Variants in ATG16L2 observed in about 807,000 individuals in gnomAD.
ATG16L2 encodes autophagy related 16 like 2.
Under a neutral mutation model 84.7 loss-of-function variants are expected in ATG16L2, and 77 were observed. That is an observed-to-expected ratio of 0.91 (90% CI 0.76 to 1.10). The LOEUF (loss-of-function observed/expected upper bound fraction) is 1.10, where lower values mean the gene tolerates loss of function less well. ATG16L2 is among the 50% of genes least tolerant of loss of function. The probability of loss-of-function intolerance (pLI) is 0.00; values close to 1 mark genes in which losing one functional copy is unlikely to be tolerated. For missense variants in ATG16L2, 782 were observed against 817.6 expected (o/e 0.96, Z 0.53); for synonymous variants, 361 against 342.8 (o/e 1.05, Z -0.59).
In ATG16L2 at chr11:72,829,604, T is replaced by C; in HGVS notation, c.*214T>C. The C allele has an allele frequency of 2.2e-6, 3 of 1,354,680 alleles. No individual in the cohort carries two copies. Among genetic ancestry groups the C allele is most frequent in the Non-Finnish European group, 2.8e-6 (3 of 1,053,242 alleles). The allele number at this position is 1,354,680 out of a possible 1,614,324, so 83.9% of individuals were successfully genotyped here. A position where few individuals can be genotyped will look rare whatever the true frequency, so the allele number is the denominator to read the frequency against. On this transcript the variant is annotated 3_prime_UTR_variant, in exon 18 of 18. Coordinates refer to ENST00000321297, the MANE Select transcript of ATG16L2 (RefSeq NM_033388.2). ...ATTTTTATCTCTATCTCCTCACTTTTTCTCCCAAAGTAGAAAAAAATGATA... is the reference window on the plus strand; with the variant it reads ...ATTTTTATCTCTATCTCCTCACTTTCTCTCCCAAAGTAGAAAAAAATGATA...
At chr11:72,827,354 T>C in intron 14 of ATG16L2, 61 bp downstream of exon 14, 1 of 1,401,054 alleles carries the variant, frequency 7.1e-7, no homozygotes, top group Non-Finnish European at 1.0e-6. Context: ...CCCAAGTTCT[T>C]GTTCCTTTCT....
At position 72,822,018 on chromosome 11, in the gene ATG16L2, C is replaced by G; in HGVS notation, c.393-26C>G. ...GCAGTGACGGGGGAAGCTTGGGACC[C>G]GCTATCCGCTCTTTCCGTCCTCCAG... On this transcript the variant is annotated intron_variant, in intron 4 of 17. Coordinates refer to ENST00000321297, the MANE Select transcript of ATG16L2 (RefSeq NM_033388.2). This position sits in a 1 kb window ranked among gnomAD's most constrained non-coding sequence, Gnocchi z 4.2. 6.8e-7 allele frequency: 1 copy of G among 1,478,794 alleles called. No individual in the cohort carries two copies. The allele number at this position is 1,478,794 out of a possible 1,614,324, so 91.6% of individuals were successfully genotyped here. A position where few individuals can be genotyped will look rare whatever the true frequency, so the allele number is the denominator to read the frequency against.
chr11:72,822,175 G>A lies in ATG16L2; in HGVS notation c.524G>A (p.Gly175Glu). ...TACGAGGCGCTGCGCGCGCACGTCG[G>A]GCTCCGGGAGGCGGCACTGCGCAGG... ...AAYEALRAHVGLREAALRRLQ... is the reference protein window; with the variant it reads ...AAYEALRAHVELREAALRRLQ... The change falls in exon 5 of 18, where the codon GGG becomes GAG. Residue 175 changes from glycine (G) to glutamate (E), a missense_variant. Transcript: ENST00000321297. The surrounding 1 kb of genome is among the most constrained non-coding windows in gnomAD (Gnocchi z 4.2). The A allele has an allele frequency of 1.3e-6, 2 of 1,497,186 alleles. No homozygotes were observed. The highest frequency in any genetic ancestry group is 1.3e-5 in the South Asian group (1 of 79,868). 92.7% of individuals were successfully genotyped at this position (1,497,186 alleles called of 1,614,324 possible). A position where few individuals can be genotyped will look rare whatever the true frequency, so the allele number is the denominator to read the frequency against.
At chr11:72,835,613 C>A (rs1860709441) in intron 5 of ATG16L2, among the ~76,000 whole-genome samples, 1 of 152,164 alleles carries the variant, frequency 6.6e-6, no homozygotes, top group Admixed American at 6.5e-5. Flanking sequence ...AGTCCATATG[C>A]GGTTGGTGGG....
chr11:72,843,711 A>G (rs1861037309), downstream of ATG16L2: 1 of 588,312 alleles, frequency 1.7e-6, no homozygotes, highest in African/African-American at 1.9e-5. Flanking sequence ...TTAAAAAACT[A>G]AACAGAATAA....
chr11:72,822,800 G>A lies in ATG16L2; in HGVS notation c.711-48G>A. The A allele has an allele frequency of 7.1e-7, 1 of 1,404,596 alleles. No homozygotes were observed. Among genetic ancestry groups the A allele is most frequent in the Non-Finnish European group, 9.7e-7 (1 of 1,026,136 alleles). 87.0% of individuals were successfully genotyped at this position (1,404,596 alleles called of 1,614,324 possible). On this transcript the variant is annotated intron_variant, in intron 6 of 17. Transcript: ENST00000321297. The surrounding 1 kb of genome is among the most constrained non-coding windows in gnomAD (Gnocchi z 4.2). ...GCGTATCCTGTGCTGGGGTCGGGAG[G>A]GGCTGGCTTGGTCCCTTGGCCTTTC...
downstream of ATG16L2, among the ~76,000 whole-genome samples, chr11:72,832,336 G>A (rs1860624188): frequency 6.6e-6 from 1 of 152,158 alleles, no homozygotes; most frequent in African/African-American, 2.4e-5. Flanking sequence ...CTCTCTCAGG[G>A]AGCACATGTT....
intron 5 of ATG16L2, chr11:72,838,951 T>C: frequency 7.3e-7 from 1 of 1,364,334 alleles, no homozygotes; most frequent in African/African-American, 1.4e-5. Flanking sequence ...ACCTAATCAC[T>C]CATCTGTCCA....
downstream of ATG16L2, among the ~76,000 whole-genome samples, chr11:72,832,705 A>G (rs1240755820): frequency 6.6e-6 from 1 of 152,128 alleles, no homozygotes; most frequent in Admixed American, 6.5e-5. Context: ...AAAAACTGAG[A>G]CCCAGAGATG....
At chr11:72,839,870 G>A (rs944358484) in intron 5 of ATG16L2, among the ~76,000 whole-genome samples, 10 of 152,262 alleles carry the variant, frequency 6.6e-5, no homozygotes, top group East Asian at 1.9e-4. Context: ...GCAAGAGTGC[G>A]TTCAACAACT....
At chr11:72,838,830 T>G (rs762680972) in intron 5 of ATG16L2, 2 of 1,608,362 alleles carry the variant, frequency 1.2e-6, no homozygotes, top group Admixed American at 3.4e-5. Flanking sequence ...TCTTCTCTGC[T>G]GGCCTTCGGT....
intron 5 of ATG16L2, chr11:72,841,483 A>G (rs1167719243): frequency 1.9e-6 from 3 of 1,610,520 alleles, no homozygotes; most frequent in Non-Finnish European, 2.5e-6. Context: ...GGGAAAGTAC[A>G]GGGAGCTCCT....
chr11:72,823,154 C>G (rs1036853960), intron 7 of ATG16L2, 193 bp downstream of exon 7: 4 of 541,526 alleles, frequency 7.4e-6, no homozygotes, highest in African/African-American at 5.8e-5. Context: ...TCCATCTCAC[C>G]CCCCCAACCC....
chr11:72,841,024 CTGGCATGGTGGCT>C, intron 5 of ATG16L2: 1 of 1,234,300 alleles, frequency 8.1e-7, no homozygotes, highest in East Asian at 2.4e-5. Flanking sequence ...TGATGCAAGG[CTGGCATGGTGGCT>C]TGAGCCTGTA....
chr11:72,836,894 G>A (rs1860745461), intron 5 of ATG16L2: 1 of 152,380 alleles, frequency 6.6e-6, no homozygotes, highest in Non-Finnish European at 1.5e-5. Context: ...GGATGGAGGG[G>A]TTATTTTTTA....
chr11:72,826,415 C>T, intron 11 of ATG16L2, 103 bp from the exon 12 acceptor site: 1 of 1,510,434 alleles, frequency 6.6e-7, no homozygotes, highest in Non-Finnish European at 9.0e-7. Context: ...GCCTTGGTGA[C>T]CTGGGCCGTG....
In ATG16L2 at chr11:72,824,756, T is replaced by C; in HGVS notation, c.910T>C (p.Ser304Pro). The change falls in exon 9 of 18, where the codon TCA becomes CCA. Residue 304 changes from serine (S) to proline (P), a missense_variant. Transcript: ENST00000321297. The stretch of plus-strand genomic sequence containing the variant: ...CAGTTTTAAGAAGAGGAGAGGTCAC[T>C]CAATTGGGGGAGCCCCTGAGCAGCG... ...LLDFKKRRGH[S>P]IGGAPEQRYQ... 1.2e-6 allele frequency: 2 copies of C among 1,613,752 alleles called. No homozygotes were observed. The highest frequency in any genetic ancestry group is 2.2e-5 in the South Asian group (2 of 91,060).
chr11:72,821,632 G>A (rs1388431191), intron 3 of ATG16L2, 36 bp from the exon 4 acceptor site: 4 of 1,521,352 alleles, frequency 2.6e-6, no homozygotes, highest in Non-Finnish European at 3.5e-6. Flanking sequence ...GCCTGGAGGG[G>A]CCTCAGCGCC....
chr11:72,818,080 T>C (rs1565260263), intron 3 of ATG16L2: 3 of 551,202 alleles, frequency 5.4e-6, no homozygotes, highest in East Asian at 6.1e-5. Context: ...GAGTTAGGTG[T>C]GCAAGGGCCT....
Sources: gnomAD v4.1 joint callset for allele counts (sites outside exome capture counted in the v4.1 genomes callset) on GRCh38, gnomAD v4.1.1 for gene constraint, Gnocchi (gnomAD v3.1) non-coding constraint, MANE v1.5 for transcripts, NCBI Gene and HGNC (gene_info 2026-07-23, HGNC 2026-07-21) for gene names.